The following TMEM68 variants were observed in gnomAD, a reference collection of about 807,000 sequenced individuals.
TMEM68 encodes transmembrane protein 68.
Under a neutral mutation model 36.9 loss-of-function variants are expected in TMEM68, and 25 were observed. That is an observed-to-expected ratio of 0.68 (90% CI 0.49 to 0.95). The LOEUF (loss-of-function observed/expected upper bound fraction) is 0.95, where lower values mean the gene tolerates loss of function less well. TMEM68 is among the 40% of genes least tolerant of loss of function. The pLI, the probability that TMEM68 is intolerant of heterozygous loss-of-function variation, is 0.00. For missense variants in TMEM68, 333 were observed against 392.0 expected (o/e 0.85, Z 1.27); for synonymous variants, 131 against 124.4 (o/e 1.05, Z -0.35).
intron 3 of TMEM68, among the ~76,000 whole-genome samples, chr8:55,756,827 T>C (rs937912397): frequency 4.0e-5 from 6 of 151,500 alleles, no homozygotes; most frequent in African/African-American, 1.2e-4. Context: ...CTGAGTGAAA[T>C]GGGGGCATCC....
chr8:55,743,728 T>A (rs1284605477), intron 6 of TMEM68, 108 bp from the exon 7 acceptor site: 3 of 1,011,664 alleles, frequency 3.0e-6, no homozygotes, highest in African/African-American at 1.6e-5. Flanking sequence ...GCAAAAAGTA[T>A]CACTTCTTGG....
At chr8:55,751,614 G>A in intron 4 of TMEM68, 1 of 355,494 alleles carries the variant, frequency 2.8e-6, no homozygotes, top group Non-Finnish European at 5.4e-6. Context: ...AAACTGGCAA[G>A]ACCATGATCA....
At chr8:55,760,259 GAGTGA>G (rs763296232) in intron 3 of TMEM68, among the ~76,000 whole-genome samples, 82 of 152,204 alleles carry the variant, frequency 5.4e-4, no homozygotes, top group Non-Finnish European at 9.6e-4. Context: ...ATATTCTAAG[GAGTGA>G]ATAAAATGGT....
chr8:55,750,714 AT>A, intron 5 of TMEM68, among the ~76,000 whole-genome samples: 1 of 151,848 alleles, frequency 6.6e-6, no homozygotes, highest in South Asian at 2.1e-4. Context: ...TAATTTTTGT[AT>A]TTTTAGTACA....
chr8:55,748,586 A>G (rs1200461318), intron 5 of TMEM68, among the ~76,000 whole-genome samples: 1 of 151,716 alleles, frequency 6.6e-6, no homozygotes, highest in Non-Finnish European at 1.5e-5. Flanking sequence ...AGGGGGGGAG[A>G]GAGAGAGAGA....
At chr8:55,754,765 C>CTTATATATAT (rs1810540130) in intron 4 of TMEM68, among the ~76,000 whole-genome samples, 1 of 37,320 alleles carries the variant, frequency 2.7e-5, no homozygotes, top group African/African-American at 8.3e-5. Flanking sequence ...AAAATACATA[C>CTTATATATAT]ATTATATATT....
chr8:55,749,288 T>C (rs1244452679), intron 5 of TMEM68, among the ~76,000 whole-genome samples: 1 of 152,220 alleles, frequency 6.6e-6, no homozygotes, highest in African/African-American at 2.4e-5. Context: ...TTTCTACCAA[T>C]ATTTTGTGAA....
chr8:55,757,644 G>T (rs868354328), intron 3 of TMEM68, among the ~76,000 whole-genome samples: 1 of 152,084 alleles, frequency 6.6e-6, no homozygotes, highest in Non-Finnish European at 1.5e-5. Context: ...TGCTGGGAGG[G>T]GCAGAACTCC....
At chr8:55,741,843 C>T (rs1465054328) in intron 7 of TMEM68, among the ~76,000 whole-genome samples, 8 of 151,982 alleles carry the variant, frequency 5.3e-5, no homozygotes, top group Non-Finnish European at 1.2e-4. Context: ...GAGTTAAATA[C>T]CAAGTAAAAA....
chr8:55,747,582 G>T (rs1200845958), intron 5 of TMEM68: 1 of 152,032 alleles, frequency 6.6e-6, no homozygotes, highest in African/African-American at 2.4e-5. Context: ...TCCTGCCTCA[G>T]CCTCCCAAAG....
At position 55,762,890 on chromosome 8, in the gene TMEM68, T is replaced by C. The variant is rs1364538986; in HGVS notation, c.70A>G (p.Ile24Val). ...TCCACACCAAACCATTCTTCGAGTATGTGAATCAGACAAATCATATAGGGC... is the reference window on the plus strand; with the variant it reads ...TCCACACCAAACCATTCTTCGAGTACGTGAATCAGACAAATCATATAGGGC... ...SVPYMICLIH[I>V]LEEWFGVEQL... Residue 24 changes from isoleucine (I) to valine (V), a missense_variant, in exon 3 of 8, where the codon ATA becomes GTA. Physicochemically the swap from Ile to Val is conservative, Grantham distance 29. Coordinates refer to ENST00000434581, the MANE Select transcript of TMEM68 (RefSeq NM_001286657.2). The C allele has an allele frequency of 6.2e-7, 1 of 1,614,058 alleles. No homozygotes were observed. Among genetic ancestry groups the C allele is most frequent in the East Asian group, 2.2e-5 (1 of 44,886 alleles).
At chr8:55,752,919 C>T (rs775035184) in intron 4 of TMEM68, among the ~76,000 whole-genome samples, 1 of 151,614 alleles carries the variant, frequency 6.6e-6, no homozygotes, top group Non-Finnish European at 1.5e-5. Context: ...TTAGCAGAAA[C>T]GAGGTCTTGC....
intron 7 of TMEM68, among the ~76,000 whole-genome samples, chr8:55,742,548 T>C (rs1231930209): frequency 6.6e-6 from 1 of 152,182 alleles, no homozygotes; most frequent in Non-Finnish European, 1.5e-5. Context: ...CATCCCATTT[T>C]ATTTTTTGAG....
intron 1 of TMEM68, among the ~76,000 whole-genome samples, chr8:55,766,794 C>A (rs4295638): frequency 2.0e-5 from 3 of 152,046 alleles, no homozygotes; most frequent in African/African-American, 7.2e-5. Context: ...ACTACACAGG[C>A]AGCAAATAGG....
In TMEM68 at chr8:55,765,557, C is replaced by T. The variant is rs993061074; in HGVS notation, c.-114-1577G>A. On this transcript the variant is annotated intron_variant, in intron 1 of 7. Coordinates refer to ENST00000434581, the MANE Select transcript of TMEM68 (RefSeq NM_001286657.2). The stretch of plus-strand genomic sequence containing the variant: ...ACATGTAATCAGTGTTACATGTTTG[C>T]TATCGCTATCATTCATAGAATCACA... 2.2e-4 allele frequency among the ~76,000 whole-genome samples: 33 copies of T among 152,180 alleles called. 1 individual carries two copies. Among genetic ancestry groups the T allele is most frequent in the Non-Finnish European group, 4.4e-5 (3 of 68,028 alleles).
At chr8:55,745,028 T>C in intron 6 of TMEM68, 33 bp downstream of exon 6, 3 of 1,347,456 alleles carry the variant, frequency 2.2e-6, no homozygotes, top group Non-Finnish European at 2.9e-6. Context: ...AAAAATTACA[T>C]TGTAATTTAA....
intron 7 of TMEM68, among the ~76,000 whole-genome samples, chr8:55,742,888 C>A (rs1353257286): frequency 6.6e-6 from 1 of 150,966 alleles, no homozygotes; most frequent in Admixed American, 6.6e-5. Context: ...CCTCCTTCAT[C>A]TCTTTGCAAA....
chr8:55,745,374 T>G (rs1216980166), intron 5 of TMEM68: 2 of 232,776 alleles, frequency 8.6e-6, no homozygotes, highest in Non-Finnish European at 1.6e-5. Context: ...CACAAAGTGA[T>G]TATGCAAACT....
intron 5 of TMEM68, chr8:55,746,772 T>C (rs1384595563): frequency 6.6e-6 from 1 of 152,206 alleles, no homozygotes; most frequent in African/African-American, 2.4e-5. Flanking sequence ...AACCTACTAC[T>C]TCACATATAA....
Sources: allele counts gnomAD v4.1 joint callset (sites outside exome capture counted in the v4.1 genomes callset), GRCh38; gene constraint gnomAD v4.1.1; transcripts MANE v1.5; gene names NCBI Gene and HGNC (gene_info 2026-07-23, HGNC 2026-07-21).